Variants in MYOM1 observed in about 807,000 individuals in gnomAD.
The protein encoded by MYOM1 is myomesin-1.
A neutral mutation model predicts 205.3 loss-of-function variants in MYOM1; 164 were observed. The observed-to-expected ratio is 0.80, with a 90% CI of 0.70 to 0.91. The LOEUF (loss-of-function observed/expected upper bound fraction) is 0.91, where lower values mean the gene tolerates loss of function less well. Ranked by LOEUF, MYOM1 falls within the 40% of genes least tolerant of loss-of-function variation. The pLI, the probability that MYOM1 is intolerant of heterozygous loss-of-function variation, is 0.00. For synonymous variants in MYOM1, 772 were observed against 789.4 expected, an observed-to-expected ratio of 0.98 and a Z score of 0.37; for missense variants, 2,011 against 2,127.3, an observed-to-expected ratio of 0.95 and a Z score of 1.08.
intron 5 of MYOM1, among the ~76,000 whole-genome samples, chr18:3,182,158 C>A (rs2080743381): frequency 6.6e-6 from 1 of 152,168 alleles, no homozygotes; most frequent in South Asian, 2.1e-4. Context: ...CTGATACCAA[C>A]ACATTGCTCC....
At chr18:3,149,980 A>C (rs1228631047) in intron 12 of MYOM1, among the ~76,000 whole-genome samples, 1 of 152,198 alleles carries the variant, frequency 6.6e-6, no homozygotes, top group African/African-American at 2.4e-5. Flanking sequence ...GGAGGGCAGG[A>C]AGTTGGAGGG....
intron 34 of MYOM1, among the ~76,000 whole-genome samples, chr18:3,078,311 G>A (rs2079043456): frequency 6.6e-6 from 1 of 152,188 alleles, no homozygotes; most frequent in South Asian, 2.1e-4. Flanking sequence ...CAAAGCGCTA[G>A]GATTACAGGC....
Position 3,067,460 on chromosome 18 carries a change from G to A in MYOM1, c.4860C>T (p.Asn1620=). 6.2e-7 allele frequency: 1 copy of A among 1,613,842 alleles called. No homozygotes were observed. Among genetic ancestry groups the A allele is most frequent in the Non-Finnish European group, 8.5e-7 (1 of 1,179,908 alleles). ...EKALASDDHC[N]LKFEAGRTAY... is the part of the protein sequence containing the mutation. ...CGGTCCTCCCAGCCTCGAACTTGAG[G>A]TTGCAGTGGTCGTCTGAGGCCAGGG... Residue 1620 remains asparagine (N), a synonymous_variant, in exon 38 of 38, where the codon AAC becomes AAT. Coordinates refer to ENST00000356443, the MANE Select transcript of MYOM1 (RefSeq NM_003803.4).
intron 25 of MYOM1, among the ~76,000 whole-genome samples, chr18:3,097,428 A>G (rs1373352641): frequency 6.6e-6 from 1 of 152,096 alleles, no homozygotes; most frequent in Admixed American, 6.6e-5. Flanking sequence ...TGTGATTTTT[A>G]TACTCATTTT....
chr18:3,220,513 A>G (rs1476411981), upstream of MYOM1, among the ~76,000 whole-genome samples: 1 of 152,210 alleles, frequency 6.6e-6, no homozygotes, highest in East Asian at 1.9e-4. Context: ...TTTCCTGTTC[A>G]TTAACTAAAG....
At chr18:3,089,287 T>C in intron 28 of MYOM1, 46 bp from the exon 29 acceptor site, 1 of 1,467,304 alleles carries the variant, frequency 6.8e-7, no homozygotes, top group South Asian at 1.2e-5. Context: ...TAATCACAAA[T>C]GCAAAATCAA....
the MYOM1 span, among the ~76,000 whole-genome samples, chr18:3,240,907 T>C: frequency 6.6e-6 from 1 of 152,194 alleles, no homozygotes; most frequent in African/African-American, 2.4e-5. Context: ...ACTCTTGCTA[T>C]GTTTTAGCAA....
intron 5 of MYOM1, among the ~76,000 whole-genome samples, chr18:3,186,078 C>A (rs1050450842): frequency 6.6e-6 from 1 of 152,108 alleles, no homozygotes; most frequent in African/African-American, 2.4e-5. Flanking sequence ...CACCTGTATT[C>A]CCAGCTACTT....
chr18:3,192,974 A>T (rs1047392071), intron 3 of MYOM1, among the ~76,000 whole-genome samples: 5 of 152,060 alleles, frequency 3.3e-5, no homozygotes, highest in Admixed American at 3.3e-4. Context: ...GTTTTTTTTT[A>T]AAAGTTCACC....
intron 5 of MYOM1, among the ~76,000 whole-genome samples, chr18:3,180,398 G>C (rs1398483299): frequency 6.6e-6 from 1 of 152,190 alleles, no homozygotes; most frequent in Non-Finnish European, 1.5e-5. Flanking sequence ...GGTGGTCAAG[G>C]ATTAAGTCAG....
intron 10 of MYOM1, among the ~76,000 whole-genome samples, chr18:3,161,040 A>G (rs74621249): frequency 0.015 from 2,217 of 152,246 alleles, 71 homozygotes; most frequent in African/African-American, 0.05. Flanking sequence ...AAAACAGTGG[A>G]AAGTGGAAGC....
At chr18:3,245,314 G>A in the MYOM1 span, among the ~76,000 whole-genome samples, 1 of 152,066 alleles carries the variant, frequency 6.6e-6, no homozygotes, top group Non-Finnish European at 1.5e-5. Context: ...GATGGAGGCT[G>A]CAGTGAGCTG....
At chr18:3,124,679 G>A (rs1450576170) in intron 19 of MYOM1, among the ~76,000 whole-genome samples, 1 of 151,814 alleles carries the variant, frequency 6.6e-6, no homozygotes, top group Non-Finnish European at 1.5e-5. Context: ...TGTGGGGGGG[G>A]GTTAATTTTG....
chr18:3,189,064 G>A lies in MYOM1; in HGVS notation c.455C>T (p.Thr152Ile). ...TTTAATTCTTTCTTCTTCCGTATCA[G>A]TAATTCCACTGACATGCTTTTGACT... ...SGRQKHVSGITDTEEERIKEA... is the reference protein window; with the variant it reads ...SGRQKHVSGIIDTEEERIKEA... The change falls in exon 4 of 38, where the codon ACT becomes ATT. Residue 152 changes from threonine (T) to isoleucine (I), a missense_variant. Thr to Ile is a moderately conservative substitution (Grantham distance 89). Coordinates refer to ENST00000356443, the MANE Select transcript of MYOM1 (RefSeq NM_003803.4). The surrounding 1 kb of genome is among the most constrained non-coding windows in gnomAD (Gnocchi z 4.8). 6.2e-7 allele frequency: 1 copy of A among 1,612,630 alleles called. No homozygotes were observed. Among genetic ancestry groups the A allele is most frequent in the South Asian group, 1.1e-5 (1 of 91,044 alleles).
intron 2 of MYOM1, among the ~76,000 whole-genome samples, chr18:3,211,882 G>C (rs2081194805): frequency 3.9e-5 from 6 of 152,094 alleles, no homozygotes; most frequent in Admixed American, 3.9e-4. Flanking sequence ...AGACCAAGCC[G>C]AGCACTTACA....
intron 19 of MYOM1, among the ~76,000 whole-genome samples, chr18:3,124,581 G>C (rs1270843039): frequency 6.6e-6 from 1 of 151,592 alleles, no homozygotes; most frequent in Admixed American, 6.6e-5. Context: ...CACCTGCCTC[G>C]GCCTCCCAAA....
chr18:3,096,984 G>T (rs918476139), intron 25 of MYOM1, among the ~76,000 whole-genome samples: 1 of 151,918 alleles, frequency 6.6e-6, no homozygotes, highest in African/African-American at 2.4e-5. Context: ...TCTTTTCTCT[G>T]GCAGTTAATG....
chr18:3,240,827 G>T, the MYOM1 span, among the ~76,000 whole-genome samples: 19 of 152,204 alleles, frequency 1.2e-4, no homozygotes, highest in Admixed American at 1.2e-3. Flanking sequence ...TACTGATAGT[G>T]ACAATGAAAT....
intron 20 of MYOM1, among the ~76,000 whole-genome samples, chr18:3,117,636 GA>G (rs944915528): frequency 4.8e-4 from 73 of 151,938 alleles, no homozygotes; most frequent in African/African-American, 1.7e-3. Context: ...CTACGCAGGT[GA>G]AAAAATTTAT....
Sources: allele counts gnomAD v4.1 joint callset (sites outside exome capture counted in the v4.1 genomes callset), GRCh38; gene constraint gnomAD v4.1.1; non-coding constraint Gnocchi (gnomAD v3.1); transcripts MANE v1.5; gene names NCBI Gene and HGNC (gene_info 2026-07-23, HGNC 2026-07-21).